The following BCAR3 variants were observed in gnomAD, a reference collection of about 807,000 sequenced individuals.
BCAR3 encodes the protein BCAR3 adaptor protein, NSP family member.
In BCAR3, 37 loss-of-function variants were observed where a neutral mutation model predicts 80.1. The observed-to-expected ratio is 0.46, with a 90% CI of 0.36 to 0.61. The LOEUF (loss-of-function observed/expected upper bound fraction) is 0.61, where lower values mean the gene tolerates loss of function less well. Ranked by LOEUF, BCAR3 falls within the 20% of genes least tolerant of loss-of-function variation. The probability of loss-of-function intolerance (pLI) is 0.00; values close to 1 mark genes in which losing one functional copy is unlikely to be tolerated. For missense variants in BCAR3, 978 were observed against 1,068.2 expected (o/e 0.92, Z 1.18); for synonymous variants, 389 against 418.9 (o/e 0.93, Z 0.87).
chr1:93,752,232 G>A (rs1279512243), intron 2 of BCAR3, among the ~76,000 whole-genome samples: 1 of 152,190 alleles, frequency 6.6e-6, no homozygotes, highest in Non-Finnish European at 1.5e-5. Flanking sequence ...CTCCTGTAGA[G>A]GCCATTTCTG....
chr1:93,798,267 G>T (rs182763754), intron 2 of BCAR3, among the ~76,000 whole-genome samples: 244 of 152,254 alleles, frequency 1.6e-3, no homozygotes, highest in Non-Finnish European at 2.2e-3. Flanking sequence ...TGCTTTTTCC[G>T]CTTTGGAGCC....
chr1:93,576,818 A>G (rs1036004383), intron 7 of BCAR3, among the ~76,000 whole-genome samples: 8 of 152,194 alleles, frequency 5.3e-5, no homozygotes, highest in Non-Finnish European at 1.0e-4. Flanking sequence ...AGTTATTACA[A>G]TGTCATGGAG....
intron 2 of BCAR3, among the ~76,000 whole-genome samples, chr1:93,729,701 T>C (rs1281784027): frequency 6.6e-6 from 1 of 152,028 alleles, no homozygotes; most frequent in Non-Finnish European, 1.5e-5. Flanking sequence ...TCAGGAGGGG[T>C]ATACTGTGGG....
chr1:93,632,538 A>G (rs1406273559), intron 3 of BCAR3, among the ~76,000 whole-genome samples: 1 of 152,190 alleles, frequency 6.6e-6, no homozygotes, highest in Non-Finnish European at 1.5e-5. Flanking sequence ...AGGTGTATTA[A>G]ATGCATTTTC....
chr1:93,729,181 G>A (rs1182754077), intron 2 of BCAR3, among the ~76,000 whole-genome samples: 2 of 152,084 alleles, frequency 1.3e-5, no homozygotes, highest in Non-Finnish European at 2.9e-5. Flanking sequence ...GGACTTATGG[G>A]GTTATGTCCC....
intron 2 of BCAR3, among the ~76,000 whole-genome samples, chr1:93,743,475 G>A (rs1036689475): frequency 1.3e-5 from 2 of 152,118 alleles, no homozygotes; most frequent in African/African-American, 4.8e-5. Context: ...CCACTGCTCT[G>A]GAGCATACAG....
intron 3 of BCAR3, among the ~76,000 whole-genome samples, chr1:93,691,449 T>G (rs1478008112): frequency 6.6e-6 from 1 of 152,232 alleles, no homozygotes; most frequent in African/African-American, 2.4e-5. Context: ...TGTCCCTTTC[T>G]CTCGGCTGTT....
intron 2 of BCAR3, among the ~76,000 whole-genome samples, chr1:93,843,341 G>A (rs183169232): frequency 4.6e-5 from 7 of 152,302 alleles, no homozygotes; most frequent in Admixed American, 4.6e-4. Flanking sequence ...GTTTCTGCAG[G>A]ATGTGGGATT....
At chr1:93,731,318 A>T (rs111903235) in intron 2 of BCAR3, among the ~76,000 whole-genome samples, 2 of 152,256 alleles carry the variant, frequency 1.3e-5, no homozygotes, top group Non-Finnish European at 2.9e-5. Flanking sequence ...AATTGTGACA[A>T]ATATTCCATG....
At chr1:93,755,286 T>C (rs1228066505) in intron 2 of BCAR3, among the ~76,000 whole-genome samples, 1 of 152,210 alleles carries the variant, frequency 6.6e-6, no homozygotes, top group Non-Finnish European at 1.5e-5. Context: ...ATAAATTTAG[T>C]GTAGCCTGAG....
At chr1:93,582,173 G>T in intron 7 of BCAR3, 128 bp downstream of exon 7, 1 of 1,212,088 alleles carries the variant, frequency 8.3e-7, no homozygotes, top group Non-Finnish European at 1.1e-6. Flanking sequence ...AGCATTTAAT[G>T]GGTGAGGCAG....
At chr1:93,622,066 A>G (rs556374395) in intron 3 of BCAR3, among the ~76,000 whole-genome samples, 89 of 152,092 alleles carry the variant, frequency 5.9e-4, no homozygotes, top group African/African-American at 1.9e-3. Flanking sequence ...GAGATGGGCT[A>G]ATTTTTGTAT....
chr1:93,826,662 G>A lies in BCAR3; in HGVS notation c.-63+18905C>T, dbSNP rs550136539. Among the ~76,000 whole-genome samples the A allele has an allele frequency of 2.0e-5, 3 of 152,314 alleles. No individual in the cohort carries two copies. The South Asian group carries it at 6.2e-4, about 32-fold the overall frequency. On this transcript the variant is annotated intron_variant, in intron 2 of 13. Transcript: ENST00000370244. ...ACCAGATGGAGAATGTTTTGAGAAG[G>A]AAAGTCAGGGTGCTAAAGGAATATA...
chr1:93,763,806 C>T lies in BCAR3; in HGVS notation c.-62-57664G>A, dbSNP rs149572491. 5.2e-3 allele frequency among the ~76,000 whole-genome samples: 789 copies of T among 152,322 alleles called. 2 individuals are homozygous for T. The highest frequency in any genetic ancestry group is 8.8e-3 in the Non-Finnish European group (597 of 68,036). ...CCTGACTTGCAGCATTTGCCAACCTCCATGGTGTAAATGCTACCACTATGG... is the reference window on the plus strand; with the variant it reads ...CCTGACTTGCAGCATTTGCCAACCTTCATGGTGTAAATGCTACCACTATGG... On this transcript the variant is annotated intron_variant, in intron 2 of 13. Coordinates refer to the BCAR3 transcript ENST00000370244.
chr1:93,812,071 T>C (rs187146821), intron 2 of BCAR3, among the ~76,000 whole-genome samples: 1 of 152,328 alleles, frequency 6.6e-6, no homozygotes, highest in African/African-American at 2.4e-5. Context: ...TTTTTAGTAA[T>C]AAATGTCCTG....
At chr1:93,605,109 A>G (rs1315938391) in intron 3 of BCAR3, among the ~76,000 whole-genome samples, 2 of 152,162 alleles carry the variant, frequency 1.3e-5, no homozygotes, top group African/African-American at 4.8e-5. Flanking sequence ...CCTTCCGTCT[A>G]GATCAAATTT....
At chr1:93,670,919 G>A (rs951782830) in intron 2 of BCAR3, among the ~76,000 whole-genome samples, 1 of 152,128 alleles carries the variant, frequency 6.6e-6, no homozygotes, top group Non-Finnish European at 1.5e-5. Context: ...TAAGGTCAAA[G>A]AGGAGACTTC....
At chr1:93,704,948 C>T (rs1649782721) in intron 3 of BCAR3, among the ~76,000 whole-genome samples, 1 of 152,192 alleles carries the variant, frequency 6.6e-6, no homozygotes, top group Non-Finnish European at 1.5e-5. Context: ...TGCTCCAAAA[C>T]TCAATAGGTA....
chr1:93,667,032 T>G (rs889091492), intron 2 of BCAR3, among the ~76,000 whole-genome samples: 3 of 152,200 alleles, frequency 2.0e-5, no homozygotes, highest in Admixed American at 6.5e-5. Context: ...TCACATGAGA[T>G]TGTATCTGAT....
Sources: gnomAD v4.1 joint callset for allele counts (sites outside exome capture counted in the v4.1 genomes callset) on GRCh38, gnomAD v4.1.1 for gene constraint, MANE v1.5 for transcripts, NCBI Gene and HGNC (gene_info 2026-07-23, HGNC 2026-07-21) for gene names.